PTH2R: variants seen among roughly 807,000 people sequenced by gnomAD.
PTH2R encodes PTH2 receptor.
A neutral mutation model predicts 60.3 loss-of-function variants in PTH2R; 59 were observed. The ratio of observed to expected loss-of-function variants is 0.98; its 90% CI spans 0.79 to 1.22. PTH2R has a LOEUF of 1.22. Ranked by LOEUF, PTH2R falls within the 50% of genes most tolerant of loss-of-function variation. PTH2R has a pLI of 0.00. For missense variants in PTH2R, 749 were observed against 682.6 expected (o/e 1.10, Z -1.08); for synonymous variants, 256 against 243.8 (o/e 1.05, Z -0.47).
Position 208,443,531 on chromosome 2 carries a change from A to T in PTH2R, c.693A>T (p.Ser231=). ...NSIEATSVDK[S]QYIGCKIAVV... ...TTGAGGCAACTTCTGTGGACAAATC[A>T]CAATATGTAAGTGTTTTCACCATTT... The change falls in exon 6 of 13, where the codon TCA becomes TCT. Residue 231 remains serine (S), a synonymous_variant. Coordinates refer to ENST00000272847, the MANE Select transcript of PTH2R (RefSeq NM_005048.4). The T allele has an allele frequency of 6.2e-7, 1 of 1,602,250 alleles. No individual in the cohort carries two copies. The highest frequency in any genetic ancestry group is 8.5e-7 in the Non-Finnish European group (1 of 1,175,638).
intron 1 of PTH2R, among the ~76,000 whole-genome samples, chr2:208,423,622 A>AT (rs1470507778): frequency 6.6e-6 from 1 of 152,088 alleles, no homozygotes; most frequent in Non-Finnish European, 1.5e-5. Context: ...GGTTGATGGC[A>AT]TTGTTGAGTT....
chr2:208,465,483 A>G (rs1233172849), intron 9 of PTH2R, among the ~76,000 whole-genome samples: 5 of 115,158 alleles, frequency 4.3e-5, no homozygotes, highest in Admixed American at 1.3e-4. Context: ...GCTCACTGCA[A>G]CCTCTGCCTC....
At chr2:208,361,763 T>C in intron 1 of PTH2R, among the ~76,000 whole-genome samples, 1 of 145,528 alleles carries the variant, frequency 6.9e-6, no homozygotes, top group African/African-American at 2.5e-5. Context: ...AAGATTTCCT[T>C]TTTTTTTTTT....
intron 1 of PTH2R, among the ~76,000 whole-genome samples, chr2:208,373,424 T>G (rs1700738928): frequency 6.6e-6 from 1 of 152,120 alleles, no homozygotes; most frequent in African/African-American, 2.4e-5. Flanking sequence ...CTGCTCTGAT[T>G]GTCATTTGCT....
Position 208,450,740 on chromosome 2 carries a change from T to C in PTH2R, c.854-9T>C. The C allele has an allele frequency of 6.2e-7, 1 of 1,613,678 alleles. No homozygotes were observed. Among genetic ancestry groups the C allele is most frequent in the Non-Finnish European group, 8.5e-7 (1 of 1,179,596 alleles). On this transcript the variant is annotated splice_polypyrimidine_tract_variant and intron_variant, in intron 7 of 12. Coordinates refer to ENST00000272847, the MANE Select transcript of PTH2R (RefSeq NM_005048.4). ...TAAATCTAGTCTCTGAATCATTTTC[T>C]GATTTCAGGGTTTCCAGCAGCATTT...
intron 2 of PTH2R, among the ~76,000 whole-genome samples, chr2:208,433,732 A>G (rs540462146): frequency 6.6e-6 from 1 of 152,318 alleles, no homozygotes; most frequent in Admixed American, 6.5e-5. Flanking sequence ...AGACCAAAAT[A>G]TTATTGATCC....
chr2:208,449,909 G>A (rs1050385504), intron 7 of PTH2R, among the ~76,000 whole-genome samples: 2 of 152,142 alleles, frequency 1.3e-5, no homozygotes, highest in African/African-American at 4.8e-5. Context: ...TATGGTTTCT[G>A]TATATCCTTT....
chr2:208,464,795 C>A (rs1702708558), intron 9 of PTH2R, among the ~76,000 whole-genome samples: 1 of 152,150 alleles, frequency 6.6e-6, no homozygotes, highest in Non-Finnish European at 1.5e-5. Context: ...AGGAGGCTCG[C>A]TTGAGGCCAG....
intron 4 of PTH2R, among the ~76,000 whole-genome samples, chr2:208,440,346 T>C (rs1315781603): frequency 6.6e-6 from 1 of 152,192 alleles, no homozygotes; most frequent in Non-Finnish European, 1.5e-5. Context: ...TTTGTAAGAT[T>C]TTTTTTCTCC....
At chr2:208,456,752 A>T (rs1006624544) in intron 8 of PTH2R, among the ~76,000 whole-genome samples, 3 of 152,208 alleles carry the variant, frequency 2.0e-5, no homozygotes, top group Admixed American at 6.5e-5. Flanking sequence ...AAAGTTTATT[A>T]AAAAAATTTG....
intron 10 of PTH2R, 39 bp downstream of exon 10, chr2:208,481,203 G>C: frequency 7.1e-7 from 1 of 1,401,188 alleles, no homozygotes; most frequent in South Asian, 1.3e-5. Flanking sequence ...GAAATATTTT[G>C]GTTACTATTT....
chr2:208,451,639 G>A (rs919030419), intron 8 of PTH2R, among the ~76,000 whole-genome samples: 1 of 151,982 alleles, frequency 6.6e-6, no homozygotes, highest in African/African-American at 2.4e-5. Flanking sequence ...CAAACTGTGG[G>A]TTTCATGCAT....
At position 208,443,486 on chromosome 2, in the gene PTH2R, G is replaced by A. The variant is rs1191142509; in HGVS notation, c.648G>A (p.Gln216=). 1 of 1,612,570 alleles carries A rather than the reference G, an allele frequency of 6.2e-7. No individual in the cohort carries two copies. The highest frequency in any genetic ancestry group is 1.3e-5 in the African/African-American group (1 of 74,842). The change falls in exon 6 of 13, where the codon CAG becomes CAA. Residue 216 remains glutamine (Q), a synonymous_variant. Transcript: ENST00000272847. ...GVKELESLIM[Q]DDPQNSIEAT... ...AGGAGCTGGAGTCCCTAATAATGCA[G>A]GATGACCCACAAAATTCCATTGAGG...
At chr2:208,440,779 A>G (rs1156707332) in intron 4 of PTH2R, among the ~76,000 whole-genome samples, 2 of 152,372 alleles carry the variant, frequency 1.3e-5, no homozygotes, top group Admixed American at 6.5e-5. Context: ...TTAGTAAGCT[A>G]TAATCCACCA....
chr2:208,413,669 A>G (rs918417610), intron 1 of PTH2R, among the ~76,000 whole-genome samples: 1 of 152,194 alleles, frequency 6.6e-6, no homozygotes, highest in Non-Finnish European at 1.5e-5. Flanking sequence ...GAAGTTTTCT[A>G]TGTGTTGCTG....
intron 9 of PTH2R, among the ~76,000 whole-genome samples, chr2:208,471,515 T>C (rs1702879727): frequency 6.6e-6 from 1 of 152,182 alleles, no homozygotes; most frequent in Non-Finnish European, 1.5e-5. Context: ...GCAGCTTCCA[T>C]GTGGTGTTGA....
chr2:208,411,296 A>G (rs1701535001), intron 1 of PTH2R, among the ~76,000 whole-genome samples: 1 of 152,218 alleles, frequency 6.6e-6, no homozygotes, highest in Admixed American at 6.5e-5. Flanking sequence ...GATTATCTCT[A>G]TACTGTGTTT....
chr2:208,389,812 T>G, intron 1 of PTH2R, among the ~76,000 whole-genome samples: 1 of 150,032 alleles, frequency 6.7e-6, no homozygotes, highest in South Asian at 2.2e-4. Flanking sequence ...TTTGCGGGGG[T>G]GGGGGGGTTG....
intron 6 of PTH2R, among the ~76,000 whole-genome samples, chr2:208,443,944 A>G (rs548928473): frequency 6.6e-6 from 1 of 152,312 alleles, no homozygotes; most frequent in African/African-American, 2.4e-5. Context: ...CCAATATAAA[A>G]TTTTATGTTA....
Sources: gnomAD v4.1 joint callset for allele counts (sites outside exome capture counted in the v4.1 genomes callset) on GRCh38, gnomAD v4.1.1 for gene constraint, MANE v1.5 for transcripts, NCBI Gene and HGNC (gene_info 2026-07-23, HGNC 2026-07-21) for gene names.